The following GPHN variants were observed in gnomAD, a reference collection of about 807,000 sequenced individuals.
GPHN encodes gephyrin.
In GPHN, 17 loss-of-function variants were observed where a neutral mutation model predicts 95.5. The ratio of observed to expected loss-of-function variants is 0.18; its 90% CI spans 0.12 to 0.27. The LOEUF is 0.27. Among genes scored for constraint, GPHN ranks in the 10% least tolerant of loss-of-function variants. The pLI is 1.00. For synonymous variants in GPHN, 320 were observed against 322.5 expected, an observed-to-expected ratio of 0.99 and a Z score of 0.08; for missense variants, 660 against 978.1, an observed-to-expected ratio of 0.67 and a Z score of 4.34.
chr14:67,279,662 A>T, the GPHN span: 5 of 969,092 alleles, frequency 5.2e-6, no homozygotes, highest in Admixed American at 3.3e-5. Flanking sequence ...CCAGACCAAG[A>T]TCCTTTGTTT....
chr14:66,539,040 T>A (rs2059248587), intron 1 of GPHN, among the ~76,000 whole-genome samples: 1 of 152,186 alleles, frequency 6.6e-6, no homozygotes, highest in South Asian at 2.1e-4. Flanking sequence ...TCCATTGACA[T>A]ACTCAGATTT....
At chr14:67,215,449 T>C in the GPHN span, among the ~76,000 whole-genome samples, 1 of 151,524 alleles carries the variant, frequency 6.6e-6, no homozygotes, top group East Asian at 1.9e-4. Context: ...TCAGTGTAAG[T>C]AAACAATGAC....
At position 66,538,464 on chromosome 14, in the gene GPHN, C is replaced by T. The variant is rs72724577; in HGVS notation, c.64+29873C>T. On this transcript the variant is annotated intron_variant, in intron 1 of 22. Coordinates refer to ENST00000478722, the MANE Select transcript of GPHN (RefSeq NM_020806.5). Reference sequence around the variant, plus strand: ...CTCATGTGGTTATTCTGTCTTTTCTCTCTGTGGTTCAATTTTGTATTTTTT... The same window carrying T: ...CTCATGTGGTTATTCTGTCTTTTCTTTCTGTGGTTCAATTTTGTATTTTTT... Among the ~76,000 whole-genome samples, 709 of 151,900 alleles carry T rather than the reference C, an allele frequency of 4.7e-3. 3 individuals are homozygous for T. Among genetic ancestry groups the T allele is most frequent in the Non-Finnish European group, 7.5e-3 (509 of 67,944 alleles).
At chr14:66,701,724 T>A (rs1256704900) in intron 2 of GPHN, among the ~76,000 whole-genome samples, 2 of 152,212 alleles carry the variant, frequency 1.3e-5, no homozygotes, top group African/African-American at 4.8e-5. Flanking sequence ...CCCAGAGCCA[T>A]GTAGATTCTC....
intron 9 of GPHN, among the ~76,000 whole-genome samples, chr14:67,022,194 T>C (rs939490539): frequency 2.1e-4 from 32 of 152,168 alleles, no homozygotes; most frequent in African/African-American, 6.5e-4. Context: ...TCATTAGTCA[T>C]TCTTACCCTC....
the GPHN span, chr14:67,221,727 A>G: frequency 6.2e-7 from 1 of 1,603,730 alleles, no homozygotes; most frequent in Non-Finnish European, 8.5e-7. Context: ...TCTTTTCTAA[A>G]TATTTGTGGT....
chr14:67,324,568 T>TTTG, the GPHN span, among the ~76,000 whole-genome samples: 91 of 152,168 alleles, frequency 6.0e-4, no homozygotes, highest in East Asian at 0.015. Context: ...GATTGTTTTT[T>TTTG]TTGTTGTTGT....
the GPHN span, among the ~76,000 whole-genome samples, chr14:67,320,558 A>G: frequency 6.6e-6 from 1 of 152,234 alleles, no homozygotes; most frequent in Non-Finnish European, 1.5e-5. Flanking sequence ...AATTAAAAAT[A>G]GTCATTATTA....
chr14:66,801,399 C>T (rs781085102), intron 3 of GPHN, among the ~76,000 whole-genome samples: 1 of 152,128 alleles, frequency 6.6e-6, no homozygotes, highest in Non-Finnish European at 1.5e-5. Flanking sequence ...AGCGGGCATC[C>T]CAAGCCCAGT....
the GPHN span, among the ~76,000 whole-genome samples, chr14:67,191,827 T>G: frequency 2.0e-5 from 3 of 152,296 alleles, no homozygotes; most frequent in East Asian, 5.8e-4. Flanking sequence ...TGTAATCAGA[T>G]TTAATAAGGA....
intron 9 of GPHN, among the ~76,000 whole-genome samples, chr14:67,004,978 A>G (rs944128278): frequency 5.3e-5 from 8 of 151,656 alleles, no homozygotes; most frequent in African/African-American, 1.9e-4. Flanking sequence ...GTTACCTAAT[A>G]TATTTGGGTG....
chr14:67,412,756 T>G, the GPHN span, among the ~76,000 whole-genome samples: 1 of 151,808 alleles, frequency 6.6e-6, no homozygotes, highest in Non-Finnish European at 1.5e-5. Flanking sequence ...AGATGATTGG[T>G]TTTTTGGGGT....
chr14:67,372,949 A>G, the GPHN span, among the ~76,000 whole-genome samples: 1 of 152,250 alleles, frequency 6.6e-6, no homozygotes, highest in Non-Finnish European at 1.5e-5. Flanking sequence ...ATGCACATGA[A>G]AAGATGTTGA....
chr14:66,673,522 T>G (rs2066419098), intron 1 of GPHN, among the ~76,000 whole-genome samples: 1 of 152,250 alleles, frequency 6.6e-6, no homozygotes, highest in Admixed American at 6.5e-5. Flanking sequence ...AGTGTATGCT[T>G]ACTGGAATTC....
chr14:67,580,395 G>C, the GPHN span: 1 of 167,000 alleles, frequency 6.0e-6, no homozygotes, highest in Non-Finnish European at 1.3e-5. Context: ...ATTGTGGTCT[G>C]GGATTACTGT....
chr14:66,922,162 A>G (rs1015543031), intron 6 of GPHN, among the ~76,000 whole-genome samples: 1 of 152,160 alleles, frequency 6.6e-6, no homozygotes, highest in Non-Finnish European at 1.5e-5. Context: ...CAAGGATTTC[A>G]TGACCAAAAA....
intron 5 of GPHN, among the ~76,000 whole-genome samples, chr14:66,907,722 G>C (rs2065456621): frequency 6.6e-6 from 1 of 152,078 alleles, no homozygotes; most frequent in African/African-American, 2.4e-5. Context: ...TAAGACTAAA[G>C]GTAAAAGCAA....
In GPHN at chr14:66,884,353, C is replaced by T. The variant is rs542436395; in HGVS notation, c.389+4320C>T. Among the ~76,000 whole-genome samples the T allele has an allele frequency of 1.3e-4, 20 of 152,122 alleles. No individual in the cohort carries two copies. The East Asian group carries it at 3.1e-3, about 24-fold the overall frequency. On this transcript the variant is annotated intron_variant, in intron 5 of 22. Transcript: ENST00000478722. Reference sequence around the variant, plus strand: ...AATCACTGTGTACTCTATAAACAATCGGTAGGAGAGAGAAGCTATGGTTAC... The same window carrying T: ...AATCACTGTGTACTCTATAAACAATTGGTAGGAGAGAGAAGCTATGGTTAC...
intron 5 of GPHN, among the ~76,000 whole-genome samples, chr14:66,894,980 C>T (rs573835588): frequency 6.6e-6 from 1 of 152,150 alleles, no homozygotes; most frequent in Admixed American, 6.5e-5. Flanking sequence ...ACTAGAAATA[C>T]CATTTGACCC....
Sources: allele counts gnomAD v4.1 joint callset (sites outside exome capture counted in the v4.1 genomes callset), GRCh38; gene constraint gnomAD v4.1.1; transcripts MANE v1.5; gene names NCBI Gene and HGNC (gene_info 2026-07-23, HGNC 2026-07-21).